PAN3: variants seen among roughly 807,000 people sequenced by gnomAD.
PAN3 encodes PAN2-PAN3 deadenylation complex subunit PAN3.
Under a neutral mutation model 96.2 loss-of-function variants are expected in PAN3, and 19 were observed. That is an observed-to-expected ratio of 0.20 (90% CI 0.14 to 0.29). The LOEUF (loss-of-function observed/expected upper bound fraction) is 0.29. Among genes scored for constraint, PAN3 ranks in the 10% least tolerant of loss-of-function variants. The pLI, the probability that PAN3 is intolerant of heterozygous loss-of-function variation, is 1.00. For synonymous variants in PAN3, 433 were observed against 406.6 expected (o/e 1.06, Z -0.78); for missense variants, 882 against 1,108.1 (o/e 0.80, Z 2.90).
intron 13 of PAN3, 36 bp downstream of exon 13, chr13:28,270,902 G>A (rs771443716): frequency 2.5e-6 from 4 of 1,586,686 alleles, no homozygotes; most frequent in East Asian, 2.2e-5. Context: ...CTTTTATTGA[G>A]CGTCTTACCT....
chr13:28,203,866 T>C (rs533131682), intron 5 of PAN3, among the ~76,000 whole-genome samples: 37 of 150,018 alleles, frequency 2.5e-4, no homozygotes, highest in Non-Finnish European at 4.8e-4. Flanking sequence ...TGCAGTGGTG[T>C]GATCTCGGCT....
At chr13:28,260,670 C>A in intron 8 of PAN3, 119 bp downstream of exon 8, 1 of 777,798 alleles carries the variant, frequency 1.3e-6, no homozygotes, top group Non-Finnish European at 2.0e-6. Context: ...TAGTAAAGCA[C>A]ATCGAATTTA....
chr13:28,276,904 GA>G (rs1887106828), intron 14 of PAN3, among the ~76,000 whole-genome samples: 1 of 152,074 alleles, frequency 6.6e-6, no homozygotes, highest in Non-Finnish European at 1.5e-5. Context: ...GAAAAAATTA[GA>G]AAAACTTTTT....
In PAN3 at chr13:28,277,946, G is replaced by T. The variant is rs1021999867; in HGVS notation, c.2189+570G>T. ...ACGCTCCAGAGAATCCTTGAGTATC[G>T]ATTTGAGATGAATTTGGCTTAAGAG... On this transcript the variant is annotated intron_variant, in intron 15 of 18. Coordinates refer to ENST00000380958, the MANE Select transcript of PAN3 (RefSeq NM_175854.8). Among the ~76,000 whole-genome samples, 3 of 152,184 alleles carry T rather than the reference G, an allele frequency of 2.0e-5. No individual in the cohort carries two copies. The East Asian group carries it at 5.8e-4, about 29-fold the overall frequency.
intron 1 of PAN3, among the ~76,000 whole-genome samples, chr13:28,169,291 G>T (rs186142389): frequency 7.3e-6 from 1 of 136,056 alleles, no homozygotes; most frequent in Non-Finnish European, 1.5e-5. Flanking sequence ...GTGCAGTGGC[G>T]CAATCTTGGC....
intron 1 of PAN3, among the ~76,000 whole-genome samples, chr13:28,165,509 A>C (rs1214512228): frequency 6.6e-6 from 1 of 152,032 alleles, no homozygotes; most frequent in East Asian, 1.9e-4. Flanking sequence ...TAGTGTTGTG[A>C]CTTTGGGCAA....
At chr13:28,289,655 G>GTGCA (rs1869470325) in intron 18 of PAN3, among the ~76,000 whole-genome samples, 1 of 152,128 alleles carries the variant, frequency 6.6e-6, no homozygotes, top group Non-Finnish European at 1.5e-5. Context: ...GCCACGGCGG[G>GTGCA]CGGATCACGA....
At chr13:28,147,761 A>G (rs1870862366) in intron 1 of PAN3, among the ~76,000 whole-genome samples, 2 of 152,168 alleles carry the variant, frequency 1.3e-5, no homozygotes, top group South Asian at 2.1e-4. Flanking sequence ...TCAAACCATC[A>G]TAGTCAGTTG....
intron 6 of PAN3, among the ~76,000 whole-genome samples, chr13:28,238,695 T>C (rs1192841864): frequency 6.6e-6 from 1 of 152,210 alleles, no homozygotes; most frequent in African/African-American, 2.4e-5. Flanking sequence ...TGAGTAACGT[T>C]TGTAAACAAA....
At chr13:28,203,706 A>G (rs902543113) in intron 5 of PAN3, among the ~76,000 whole-genome samples, 1 of 152,112 alleles carries the variant, frequency 6.6e-6, no homozygotes. Context: ...TTATCCAAGT[A>G]TTCTTGCTAT....
At chr13:28,292,156 AACAAACG>A (rs1869826646) in intron 18 of PAN3, among the ~76,000 whole-genome samples, 2 of 152,270 alleles carry the variant, frequency 1.3e-5, no homozygotes, top group Admixed American at 1.3e-4. Flanking sequence ...CTATAATACA[AACAAACG>A]TTAAGCGTGA....
At chr13:28,241,262 CA>C (rs961409766) in intron 6 of PAN3, among the ~76,000 whole-genome samples, 1 of 151,584 alleles carries the variant, frequency 6.6e-6, no homozygotes, top group South Asian at 2.1e-4. Context: ...AACGCTGTTT[CA>C]AAAAAAGGAC....
At chr13:28,287,354 G>A (rs1869116640) in intron 17 of PAN3, among the ~76,000 whole-genome samples, 1 of 152,088 alleles carries the variant, frequency 6.6e-6, no homozygotes, top group Admixed American at 6.5e-5. Flanking sequence ...ACAGAAAAGG[G>A]ATTATCAGCC....
At chr13:28,252,974 T>C (rs796542741) in intron 6 of PAN3, among the ~76,000 whole-genome samples, 34 of 152,296 alleles carry the variant, frequency 2.2e-4, no homozygotes, top group African/African-American at 7.9e-4. Flanking sequence ...TATGGAAAGA[T>C]TGAAATTATA....
intron 1 of PAN3, among the ~76,000 whole-genome samples, chr13:28,166,793 G>A (rs902982693): frequency 3.9e-5 from 6 of 152,186 alleles, no homozygotes; most frequent in Admixed American, 3.3e-4. Flanking sequence ...CTCCAGAGTG[G>A]AGGCCTGAGC....
At chr13:28,222,841 A>C (rs1881546058) in intron 6 of PAN3, among the ~76,000 whole-genome samples, 1 of 152,194 alleles carries the variant, frequency 6.6e-6, no homozygotes, top group South Asian at 2.1e-4. Flanking sequence ...TCTATCCCCA[A>C]AACTATTGCC....
intron 13 of PAN3, among the ~76,000 whole-genome samples, chr13:28,271,198 C>T (rs535456726): frequency 6.6e-6 from 1 of 152,286 alleles, no homozygotes; most frequent in East Asian, 1.9e-4. Flanking sequence ...GGAGGACTTA[C>T]AAAACACAGC....
At chr13:28,249,388 A>G (rs1331459142) in intron 6 of PAN3, among the ~76,000 whole-genome samples, 1 of 152,168 alleles carries the variant, frequency 6.6e-6, no homozygotes, top group Non-Finnish European at 1.5e-5. Context: ...TTTACCATTC[A>G]TGCTTTAACT....
chr13:28,201,798 T>C (rs753839208), intron 5 of PAN3, among the ~76,000 whole-genome samples: 15 of 152,210 alleles, frequency 9.9e-5, no homozygotes, highest in Non-Finnish European at 1.9e-4. Context: ...TCATTGATTC[T>C]GAAATGTTAC....
Sources: gnomAD v4.1 joint callset for allele counts (sites outside exome capture counted in the v4.1 genomes callset) on GRCh38, gnomAD v4.1.1 for gene constraint, MANE v1.5 for transcripts, NCBI Gene and HGNC (gene_info 2026-07-23, HGNC 2026-07-21) for gene names.